QTMAN: variants seen among roughly 807,000 people sequenced by gnomAD.
QTMAN encodes the protein queuosine-tRNA mannosyltransferase.
the QTMAN span, among the ~76,000 whole-genome samples, chr2:144,206,138 CT>C: frequency 6.6e-6 from 1 of 152,126 alleles, no homozygotes; most frequent in African/African-American, 2.4e-5. Flanking sequence ...TGTTCAGAAG[CT>C]GAGAAAAACA....
At chr2:144,117,841 C>CATTT in the QTMAN span, among the ~76,000 whole-genome samples, 9 of 151,608 alleles carry the variant, frequency 5.9e-5, no homozygotes, top group Middle Eastern at 3.4e-3. Context: ...TTTATTTATT[C>CATTT]ATTTATTTAT....
chr2:144,222,082 C>T, the QTMAN span, among the ~76,000 whole-genome samples: 5 of 150,806 alleles, frequency 3.3e-5, no homozygotes, highest in Non-Finnish European at 3.0e-5. Flanking sequence ...TTTTTTGAGA[C>T]GGAGTCTTGC....
At chr2:144,151,297 A>G in the QTMAN span, among the ~76,000 whole-genome samples, 2 of 152,110 alleles carry the variant, frequency 1.3e-5, no homozygotes, top group African/African-American at 4.8e-5. Context: ...GTAAGTCATA[A>G]TATCTCCAAC....
chr2:144,200,537 CATA>C, the QTMAN span, among the ~76,000 whole-genome samples: 1 of 152,166 alleles, frequency 6.6e-6, no homozygotes, highest in Admixed American at 6.6e-5. Flanking sequence ...AAAGAAATCT[CATA>C]ATGTTTTAAG....
At chr2:144,320,325 T>C in the QTMAN span, among the ~76,000 whole-genome samples, 124 of 152,292 alleles carry the variant, frequency 8.1e-4, no homozygotes, top group African/African-American at 2.8e-3. Flanking sequence ...GCCTAAATTA[T>C]TTTTTTGGTG....
the QTMAN span, among the ~76,000 whole-genome samples, chr2:144,081,439 A>G: frequency 6.6e-6 from 1 of 152,230 alleles, no homozygotes. Flanking sequence ...TGGAAAAGGC[A>G]GTAGCTGACT....
the QTMAN span, among the ~76,000 whole-genome samples, chr2:144,204,266 C>T: frequency 6.6e-6 from 1 of 152,096 alleles, no homozygotes; most frequent in African/African-American, 2.4e-5. Context: ...GAGCTAATAA[C>T]CAGAATCTAC....
chr2:143,961,792 C>T, the QTMAN span, among the ~76,000 whole-genome samples: 1 of 151,996 alleles, frequency 6.6e-6, no homozygotes, highest in Non-Finnish European at 1.5e-5. Context: ...AGACTTTAAG[C>T]CCAGGGACTG....
the QTMAN span, among the ~76,000 whole-genome samples, chr2:144,275,276 C>T: frequency 6.6e-6 from 1 of 151,162 alleles, no homozygotes; most frequent in Non-Finnish European, 1.5e-5. Flanking sequence ...CCCAGCTACT[C>T]GGGAGGCTGA....
the QTMAN span, among the ~76,000 whole-genome samples, chr2:144,218,939 C>CAAAAAAAAAAAAAAA: frequency 1.1e-4 from 11 of 104,240 alleles, no homozygotes; most frequent in Non-Finnish European, 4.0e-5. Flanking sequence ...AAAAAAAAAG[C>CAAAAAAAAAAAAAAA]AAAATCCTAG....
chr2:144,055,946 C>T, the QTMAN span, among the ~76,000 whole-genome samples: 2 of 152,242 alleles, frequency 1.3e-5, no homozygotes, highest in South Asian at 2.1e-4. Context: ...AAATATTGGC[C>T]GCACCACTTA....
chr2:144,006,927 G>C, the QTMAN span: 2 of 341,388 alleles, frequency 5.9e-6, no homozygotes, highest in Admixed American at 4.6e-5. Context: ...TGATATGCTA[G>C]AAGTGCCTAC....
chr2:144,017,572 A>C, the QTMAN span, among the ~76,000 whole-genome samples: 1 of 152,202 alleles, frequency 6.6e-6, no homozygotes, highest in African/African-American at 2.4e-5. Flanking sequence ...TTGTAAATTA[A>C]GGGCTCTGTC....
the QTMAN span, among the ~76,000 whole-genome samples, chr2:144,001,302 T>C: frequency 2.0e-5 from 3 of 151,972 alleles, no homozygotes; most frequent in Non-Finnish European, 4.4e-5. Flanking sequence ...TCTTGAAATA[T>C]AGATGTCAAA....
the QTMAN span, among the ~76,000 whole-genome samples, chr2:143,987,324 A>G: frequency 6.6e-6 from 1 of 152,292 alleles, no homozygotes; most frequent in East Asian, 1.9e-4. Flanking sequence ...CACTATTTCC[A>G]TTTCTAGCTG....
the QTMAN span, among the ~76,000 whole-genome samples, chr2:143,991,418 G>A: frequency 1.8e-4 from 27 of 150,378 alleles, no homozygotes; most frequent in African/African-American, 3.2e-4. Flanking sequence ...CAGCTGCCCC[G>A]TCCGGGAGGG....
chr2:143,976,700 T>C, the QTMAN span, among the ~76,000 whole-genome samples: 1,102 of 152,322 alleles, frequency 7.2e-3, 7 homozygotes, highest in Middle Eastern at 0.014. Context: ...GCCACTGATT[T>C]CTCAACTTCT....
At chr2:144,128,230 CAAG>C in the QTMAN span, 2 of 151,548 alleles carry the variant, frequency 1.3e-5, no homozygotes, top group Non-Finnish European at 2.9e-5. Context: ...AAAAGAGAGA[CAAG>C]AAAATAACTT....
the QTMAN span, among the ~76,000 whole-genome samples, chr2:144,088,758 G>A: frequency 3.9e-5 from 6 of 151,974 alleles, no homozygotes; most frequent in African/African-American, 1.4e-4. Context: ...TGAGAAAACT[G>A]GATAGCTACA....
Sources: allele counts gnomAD v4.1 joint callset (sites outside exome capture counted in the v4.1 genomes callset), GRCh38; gene constraint gnomAD v4.1.1; transcripts MANE v1.5; gene names NCBI Gene and HGNC (gene_info 2026-07-23, HGNC 2026-07-21).